ANKRD24: variants seen among roughly 807,000 people sequenced by gnomAD.
The protein encoded by ANKRD24 is ankyrin repeat domain-containing protein 24.
ANKRD24 carries 109 observed loss-of-function variants against 127.8 expected under a neutral mutation model. The ratio of observed to expected loss-of-function variants is 0.85; its 90% CI spans 0.73 to 1.00. ANKRD24 has a LOEUF of 1.00. Ranked by LOEUF, ANKRD24 falls within the 50% of genes least tolerant of loss-of-function variation. ANKRD24 has a pLI of 0.00. For synonymous variants in ANKRD24, 743 were observed against 671.1 expected (o/e 1.11, Z -1.66); for missense variants, 1,648 against 1,570.2 (o/e 1.05, Z -0.84).
At chr19:4,219,451 G>A in intron 18 of ANKRD24, 140 bp from the exon 19 acceptor site, 4 of 911,930 alleles carry the variant, frequency 4.4e-6, no homozygotes, top group South Asian at 4.3e-5. Context: ...AGGAGTGCAG[G>A]TCCGGAGCAA....
chr19:4,199,005 C>G lies in ANKRD24; in HGVS notation c.37-678C>G, dbSNP rs981153245. Among the ~76,000 whole-genome samples the G allele has an allele frequency of 6.6e-6, 1 of 152,018 alleles. No homozygotes were observed. The highest frequency in any genetic ancestry group is 1.5e-5 in the Non-Finnish European group (1 of 68,016). On this transcript the variant is annotated intron_variant, in intron 2 of 21. Transcript: ENST00000318934. This position sits in a 1 kb window ranked among gnomAD's most constrained non-coding sequence, Gnocchi z 5.2. ...GAACACTTCAGGAATTTGGGGGAGA[C>G]ATTTCGTAATGCATTTCAGGCTATA...
At chr19:4,219,285 C>A (rs1245308402) in intron 18 of ANKRD24, among the ~76,000 whole-genome samples, 2 of 148,252 alleles carry the variant, frequency 1.3e-5, no homozygotes, top group African/African-American at 2.5e-5. Context: ...GACTCTGTCT[C>A]AAAAAAAAAC....
In ANKRD24 at chr19:4,217,905, G is replaced by A. The variant is rs892805940; in HGVS notation, c.2745G>A (p.Pro915=). 7 of 1,483,162 alleles carry A rather than the reference G, an allele frequency of 4.7e-6. No individual in the cohort carries two copies. The highest frequency in any genetic ancestry group is 5.3e-6 in the Non-Finnish European group (6 of 1,124,228). The allele number at this position is 1,483,162 out of a possible 1,614,324, so 91.9% of individuals were successfully genotyped here. Residue 915 remains proline, a synonymous_variant, in exon 18 of 22, where the codon CCG becomes CCA. Coordinates refer to ENST00000318934, the MANE Select transcript of ANKRD24 (RefSeq NM_001393985.1). ...ASEALRQSVV[P]ASEHRRLQEE... ...AGGCCCTCCGCCAGTCCGTGGTGCC[G>A]GCCTCTGAGCACCGCCGGCTGCAGG... is the stretch of plus-strand genomic sequence containing the variant.
At position 4,215,981 on chromosome 19, in the gene ANKRD24, G is replaced by T; in HGVS notation, c.1201G>T (p.Glu401Ter). ...LQSRLSLLEN[E>*]RENTSYDVTT... is the part of the protein sequence containing the mutation. ...GGACTCTGCTCCCTCCCCCCAGAAC[G>T]AGCGGGAGAATACTAGCTATGACGT... is the stretch of plus-strand genomic sequence containing the variant. Residue 401 changes from glutamate (E) to a stop codon, truncating the protein, a stop_gained, in exon 16 of 22, where the codon GAG becomes TAG. Transcript: ENST00000318934. LOFTEE classifies it high-confidence loss of function. The T allele has an allele frequency of 6.3e-7, 1 of 1,589,488 alleles. No individual in the cohort carries two copies.
In ANKRD24 at chr19:4,216,062, C is replaced by A; in HGVS notation, c.1270+12C>A. ...GCCTGACCTTCCAGGTGAGCCCCCA[C>A]CTCCCCACGCACTCCCAGCCGCCTT... On this transcript the variant is annotated intron_variant, in intron 16 of 21. Coordinates refer to ENST00000318934, the MANE Select transcript of ANKRD24 (RefSeq NM_001393985.1). 1 of 1,584,348 alleles carries A rather than the reference C, an allele frequency of 6.3e-7. No individual in the cohort carries two copies. The highest frequency in any genetic ancestry group is 8.6e-7 in the Non-Finnish European group (1 of 1,166,142).
intron 13 of ANKRD24, among the ~76,000 whole-genome samples, chr19:4,211,087 C>T (rs914167833): frequency 1.3e-5 from 2 of 151,998 alleles, no homozygotes; most frequent in African/African-American, 4.8e-5. Context: ...CCCGCCGCGG[C>T]CTCCTAAAGT....
Position 4,210,142 on chromosome 19 carries a change from A to G in ANKRD24, c.951+4A>G. The G allele has an allele frequency of 6.2e-7, 1 of 1,605,628 alleles. No homozygotes were observed. Among genetic ancestry groups the G allele is most frequent in the Non-Finnish European group, 8.5e-7 (1 of 1,176,528 alleles). ...TCCCGCCAGCATTCCCATGCCGGTGAGAGATGCTCTGGGCACGGGAGGAGG... is the reference window on the plus strand; with the variant it reads ...TCCCGCCAGCATTCCCATGCCGGTGGGAGATGCTCTGGGCACGGGAGGAGG... On this transcript the variant is annotated splice_donor_region_variant and intron_variant, in intron 12 of 21. Transcript: ENST00000318934.
At position 4,195,136 on chromosome 19, in the gene ANKRD24, G is replaced by GC. The variant is rs1968633249; in HGVS notation, c.37-4547_37-4546insC. On this transcript the variant is annotated intron_variant, in intron 2 of 21. Coordinates refer to ENST00000318934, the MANE Select transcript of ANKRD24 (RefSeq NM_001393985.1). The surrounding 1 kb of genome is among the most constrained non-coding windows in gnomAD (Gnocchi z 4.2). The stretch of plus-strand genomic sequence containing the variant: ...CACCCAGGTTGGAGTGCAGTGGCAC[G>GC]ACTTCTGCTCACTGCAAGCTCCGCC... Among the ~76,000 whole-genome samples the GC allele has an allele frequency of 6.6e-6, 1 of 151,912 alleles. No individual in the cohort carries two copies. Among genetic ancestry groups the GC allele is most frequent in the Admixed American group, 6.6e-5 (1 of 15,230 alleles).
Position 4,217,752 on chromosome 19 carries a change from G to A in ANKRD24, c.2592G>A (p.Gly864=), listed in dbSNP as rs1457285097. Residue 864 remains glycine (G), a synonymous_variant, in exon 18 of 22, where the codon GGG becomes GGA. Coordinates refer to ENST00000318934, the MANE Select transcript of ANKRD24 (RefSeq NM_001393985.1). Reference sequence around the variant, plus strand: ...AGCTGGCCACGGCCAGGGCCACGGGGGAGCAGCAGCGCACGGCGGCCGCGG... The same window carrying A: ...AGCTGGCCACGGCCAGGGCCACGGGAGAGCAGCAGCGCACGGCGGCCGCGG... ...REQLATARAT[G]EQQRTAAAEL... 1 of 1,298,736 alleles carries A rather than the reference G, an allele frequency of 7.7e-7. No individual in the cohort carries two copies. The highest frequency in any genetic ancestry group is 9.7e-7 in the Non-Finnish European group (1 of 1,027,356). 80.5% of individuals were successfully genotyped at this position (1,298,736 alleles called of 1,614,324 possible). A position where few individuals can be genotyped will look rare whatever the true frequency, so the allele number is the denominator to read the frequency against.
At position 4,224,768 on chromosome 19, in the gene ANKRD24, C is replaced by G. The variant is rs897790907; in HGVS notation, c.*263C>G. 1.5e-5 allele frequency: 8 copies of G among 527,976 alleles called. No homozygotes were observed. The African/African-American group carries it at 1.5e-4, about 10-fold the overall frequency. 32.7% of individuals were successfully genotyped at this position (527,976 alleles called of 1,614,324 possible). On this transcript the variant is annotated 3_prime_UTR_variant, in exon 22 of 22. Transcript: ENST00000318934. Reference sequence around the variant, plus strand: ...CGGAGACTGTGATTCCCTGTGTCCTCCACATCCAGACGCCAGCCCAGGAAT... The same window carrying G: ...CGGAGACTGTGATTCCCTGTGTCCTGCACATCCAGACGCCAGCCCAGGAAT...
intron 2 of ANKRD24, among the ~76,000 whole-genome samples, chr19:4,196,279 C>T (rs951788260): frequency 6.6e-6 from 1 of 152,146 alleles, no homozygotes; most frequent in African/African-American, 2.4e-5. Context: ...GAATTCAAGC[C>T]CCTGTCACCT....
rs772858858 is a variant in ANKRD24, at chr19:4,199,950, C to T, written c.199C>T (p.Leu67Phe). 7.0e-6 allele frequency: 11 copies of T among 1,565,012 alleles called. 1 individual carries two copies. In the South Asian group the frequency reaches 1.3e-4, roughly 18 times the overall value. The change falls in exon 4 of 22, where the codon CTC becomes TTC. Residue 67 changes from leucine (L) to phenylalanine (F), a missense_variant. Leu to Phe is a conservative substitution (Grantham distance 22, BLOSUM62 0). Coordinates refer to ENST00000318934, the MANE Select transcript of ANKRD24 (RefSeq NM_001393985.1). This position sits in a 1 kb window ranked among gnomAD's most constrained non-coding sequence, Gnocchi z 5.2. ...ENNDAPRVAA[L>F]IARKGLVPTK... Reference sequence around the variant, plus strand: ...CAACGATGCACCTCGGGTGGCCGCCCTCATCGCCCGCAAGGGGCTGGTGCC... The same window carrying T: ...CAACGATGCACCTCGGGTGGCCGCCTTCATCGCCCGCAAGGGGCTGGTGCC...
At chr19:4,202,953 C>T (rs1194644646) in intron 7 of ANKRD24, 27 bp downstream of exon 7, 1 of 1,534,622 alleles carries the variant, frequency 6.5e-7, no homozygotes, top group Non-Finnish European at 8.8e-7. Flanking sequence ...CCTGCCCTGA[C>T]CCCGAAGCCC....
At chr19:4,210,806 T>A (rs1328661284) in intron 13 of ANKRD24, among the ~76,000 whole-genome samples, 1 of 97,986 alleles carries the variant, frequency 1.0e-5, no homozygotes, top group Non-Finnish European at 2.1e-5. Flanking sequence ...ACTCGCTAGT[T>A]CACTTTATTT....
chr19:4,221,572 A>G (rs1402925646), intron 19 of ANKRD24, among the ~76,000 whole-genome samples: 2 of 152,136 alleles, frequency 1.3e-5, no homozygotes, highest in Non-Finnish European at 2.9e-5. Context: ...AAGCAAACCA[A>G]AGCTTTAAGA....
At chr19:4,211,336 G>A (rs1969726506) in intron 13 of ANKRD24, among the ~76,000 whole-genome samples, 1 of 152,016 alleles carries the variant, frequency 6.6e-6, no homozygotes, top group Non-Finnish European at 1.5e-5. Flanking sequence ...CCCCATAAGA[G>A]GCACCCAGTA....
chr19:4,216,584 T>C lies in ANKRD24; in HGVS notation c.1424T>C (p.Met475Thr), dbSNP rs750776286. The change falls in exon 18 of 22, where the codon ATG becomes ACG. Residue 475 changes from methionine to threonine, a missense_variant. Physicochemically the swap from Met to Thr is moderately conservative, Grantham distance 81. Transcript: ENST00000318934. Reference sequence around the variant, plus strand: ...AACTTTGAGAAGGACGAGACACAGATGGAAGTGGAAGCTTTGGCAGAGGTC... The same window carrying C: ...AACTTTGAGAAGGACGAGACACAGACGGAAGTGGAAGCTTTGGCAGAGGTC... ...LENFEKDETQ[M>T]EVEALAEVIP... 1.2e-6 allele frequency: 2 copies of C among 1,611,694 alleles called. No individual in the cohort carries two copies.
In ANKRD24 at chr19:4,198,571, C is replaced by A; in HGVS notation, c.37-1112C>A. 1 of 496,490 alleles carries A rather than the reference C, an allele frequency of 2.0e-6. No individual in the cohort carries two copies. The highest frequency in any genetic ancestry group is 2.9e-5 in the South Asian group (1 of 34,892). 30.8% of individuals were successfully genotyped at this position (496,490 alleles called of 1,614,324 possible). A position where few individuals can be genotyped will look rare whatever the true frequency, so the allele number is the denominator to read the frequency against. On this transcript the variant is annotated intron_variant, in intron 2 of 21. Transcript: ENST00000318934. This position sits in a 1 kb window ranked among gnomAD's most constrained non-coding sequence, Gnocchi z 6.1. ...AGGGGGCGCAGGAGCGGGCGGGGCGCGGGTACCTCCTCTCCCCTCCCTTCC... is the reference window on the plus strand; with the variant it reads ...AGGGGGCGCAGGAGCGGGCGGGGCGAGGGTACCTCCTCTCCCCTCCCTTCC...
intron 13 of ANKRD24, among the ~76,000 whole-genome samples, chr19:4,211,272 T>G (rs1969723411): frequency 6.6e-6 from 1 of 152,088 alleles, no homozygotes; most frequent in African/African-American, 2.4e-5. Context: ...CAATATTGAT[T>G]GGGTGAGTGA....
Sources: gnomAD v4.1 joint callset for allele counts (sites outside exome capture counted in the v4.1 genomes callset) on GRCh38, gnomAD v4.1.1 for gene constraint, Gnocchi (gnomAD v3.1) non-coding constraint, MANE v1.5 for transcripts, NCBI Gene and HGNC (gene_info 2026-07-23, HGNC 2026-07-21) for gene names.